The following SLC5A4 variants were observed in gnomAD, a reference collection of about 807,000 sequenced individuals.
The protein encoded by SLC5A4 is probable glucose sensor protein SLC5A4.
A neutral mutation model predicts 70.3 loss-of-function variants in SLC5A4; 55 were observed. That is an observed-to-expected ratio of 0.78 (90% confidence interval 0.63 to 0.98). The LOEUF (loss-of-function observed/expected upper bound fraction) is 0.98, where lower values mean the gene tolerates loss of function less well. Ranked by LOEUF, SLC5A4 falls within the 50% of genes least tolerant of loss-of-function variation. The probability of loss-of-function intolerance (pLI) is 0.00; values close to 1 mark genes in which losing one functional copy is unlikely to be tolerated. For missense variants in SLC5A4, 735 were observed against 839.2 expected (o/e 0.88, Z 1.53); for synonymous variants, 268 against 305.7 (o/e 0.88, Z 1.29).
At chr22:32,290,725 C>T in the SLC5A4 span, among the ~76,000 whole-genome samples, 2 of 152,060 alleles carry the variant, frequency 1.3e-5, no homozygotes, top group African/African-American at 2.4e-5. Flanking sequence ...CCTCCAAGAT[C>T]GCAGCTTGTT....
At chr22:32,340,175 G>A in the SLC5A4 span, among the ~76,000 whole-genome samples, 575 of 152,234 alleles carry the variant, frequency 3.8e-3, 2 homozygotes, top group Non-Finnish European at 3.6e-3. Flanking sequence ...AATGAGGCTC[G>A]GGATGGCCAA....
the SLC5A4 span, among the ~76,000 whole-genome samples, chr22:32,274,490 T>C: frequency 6.6e-6 from 1 of 152,104 alleles, no homozygotes; most frequent in South Asian, 2.1e-4. Flanking sequence ...CATGGCCCAC[T>C]TACACTCTAC....
chr22:32,274,433 A>C, the SLC5A4 span, among the ~76,000 whole-genome samples: 1 of 152,202 alleles, frequency 6.6e-6, no homozygotes, highest in Non-Finnish European at 1.5e-5. Context: ...TAGATATTAT[A>C]AATTGGCACT....
At chr22:32,242,697 A>G (rs974489226) in intron 5 of SLC5A4, among the ~76,000 whole-genome samples, 6 of 152,168 alleles carry the variant, frequency 3.9e-5, no homozygotes, top group African/African-American at 1.4e-4. Flanking sequence ...CGACAGAGTG[A>G]GACTCCGTCT....
the SLC5A4 span, among the ~76,000 whole-genome samples, chr22:32,273,912 C>T: frequency 6.6e-6 from 1 of 152,096 alleles, no homozygotes; most frequent in African/African-American, 2.4e-5. Context: ...AAAACATACA[C>T]AAGTCATTTG....
chr22:32,271,548 C>T, the SLC5A4 span: 19 of 705,644 alleles, frequency 2.7e-5, no homozygotes, highest in Middle Eastern at 2.5e-4. Flanking sequence ...AGCAGGTGGC[C>T]GCACAGAGGA....
At chr22:32,240,038 A>G (rs571223222) in intron 5 of SLC5A4, among the ~76,000 whole-genome samples, 185 of 151,592 alleles carry the variant, frequency 1.2e-3, no homozygotes, top group Non-Finnish European at 1.4e-3. Context: ...AAAAAAAAAA[A>G]AAAAAGAAAG....
chr22:32,354,544 T>C, the SLC5A4 span, among the ~76,000 whole-genome samples: 1 of 150,888 alleles, frequency 6.6e-6, no homozygotes, highest in African/African-American at 2.4e-5. Flanking sequence ...CACCCGATAG[T>C]TCTTCCAACT....
chr22:32,284,458 C>A, the SLC5A4 span, among the ~76,000 whole-genome samples: 2 of 152,160 alleles, frequency 1.3e-5, no homozygotes, highest in African/African-American at 4.8e-5. Flanking sequence ...CAGGGTTCAA[C>A]ATTACCTCCC....
At chr22:32,243,831 A>G (rs918818964) in intron 5 of SLC5A4, among the ~76,000 whole-genome samples, 2 of 152,196 alleles carry the variant, frequency 1.3e-5, no homozygotes, top group Admixed American at 1.3e-4. Context: ...TACTAAAAAT[A>G]GAAAAAAATT....
At chr22:32,235,294 A>C (rs1469568917) in intron 7 of SLC5A4, among the ~76,000 whole-genome samples, 2 of 152,128 alleles carry the variant, frequency 1.3e-5, no homozygotes, top group African/African-American at 2.4e-5. Context: ...CACGAAGTAC[A>C]CAAAGCAAAT....
chr22:32,306,325 T>A, the SLC5A4 span, among the ~76,000 whole-genome samples: 1 of 103,440 alleles, frequency 9.7e-6, no homozygotes, highest in Non-Finnish European at 2.0e-5. Context: ...ATTAGCCAGG[T>A]GTGGTGGCAG....
chr22:32,308,709 TGC>T, the SLC5A4 span, among the ~76,000 whole-genome samples: 1 of 111,780 alleles, frequency 8.9e-6, no homozygotes, highest in Non-Finnish European at 1.9e-5. Flanking sequence ...GCCTACTTGC[TGC>T]TTTCTAGAGC....
At position 32,225,837 on chromosome 22, in the gene SLC5A4, A is replaced by G; in HGVS notation, c.1281-14T>C. 6.4e-7 allele frequency: 1 copy of G among 1,570,322 alleles called. No homozygotes were observed. The highest frequency in any genetic ancestry group is 1.2e-5 in the South Asian group (1 of 86,234). ...AGAACAAATATCCTGAGAAGAAAAC[A>G]ACATAATTTAAACATTAAACAAAAG... On this transcript the variant is annotated splice_polypyrimidine_tract_variant and intron_variant, in intron 11 of 14. Coordinates refer to ENST00000266086, the MANE Select transcript of SLC5A4 (RefSeq NM_014227.3).
In SLC5A4 at chr22:32,235,049, C is replaced by T. The variant is rs761620548; in HGVS notation, c.709G>A (p.Val237Met). ...GGYESFTEKYVNATPSVVEGD... is the reference protein window; with the variant it reads ...GGYESFTEKYMNATPSVVEGD... Reference sequence around the variant, plus strand: ...TCGACTACGGATGGGGTGGCATTCACGTACTTCTCGGTAAAGCTCTCATAA... The same window carrying T: ...TCGACTACGGATGGGGTGGCATTCATGTACTTCTCGGTAAAGCTCTCATAA... The change falls in exon 8 of 15, where the codon GTG becomes ATG. Residue 237 changes from valine to methionine, a missense_variant. Val to Met is a conservative substitution (Grantham distance 21). Coordinates refer to ENST00000266086, the MANE Select transcript of SLC5A4 (RefSeq NM_014227.3). 22 of 1,613,738 alleles carry T rather than the reference C, an allele frequency of 1.4e-5. No individual in the cohort carries two copies. The highest frequency in any genetic ancestry group is 8.8e-5 in the South Asian group (8 of 91,062).
chr22:32,269,438 C>A, the SLC5A4 span: 2 of 493,736 alleles, frequency 4.1e-6, no homozygotes, highest in South Asian at 3.5e-5. This position sits in a 1 kb window ranked among gnomAD's most constrained non-coding sequence, Gnocchi z 4.1. Flanking sequence ...CATCGCCCTG[C>A]AGTTCCTGCA....
At chr22:32,244,818 C>T (rs1926728318) in intron 5 of SLC5A4, among the ~76,000 whole-genome samples, 1 of 152,192 alleles carries the variant, frequency 6.6e-6, no homozygotes, top group African/African-American at 2.4e-5. Flanking sequence ...GCAGAAGTCA[C>T]TGGGCTCAGC....
chr22:32,228,628 C>T (rs1033620821), intron 11 of SLC5A4, among the ~76,000 whole-genome samples: 3 of 151,918 alleles, frequency 2.0e-5, no homozygotes, highest in Non-Finnish European at 2.9e-5. Context: ...TTTTTTTCCT[C>T]TTGTTTCCCT....
chr22:32,347,335 C>T, the SLC5A4 span, among the ~76,000 whole-genome samples: 1 of 152,144 alleles, frequency 6.6e-6, no homozygotes, highest in Non-Finnish European at 1.5e-5. Flanking sequence ...TACCATTTGA[C>T]CCAGCCATCC....
Sources: allele counts gnomAD v4.1 joint callset (sites outside exome capture counted in the v4.1 genomes callset), GRCh38; gene constraint gnomAD v4.1.1; non-coding constraint Gnocchi (gnomAD v3.1); transcripts MANE v1.5; gene names NCBI Gene and HGNC (gene_info 2026-07-23, HGNC 2026-07-21).